The following PEX5L variants were observed in gnomAD, a reference collection of about 807,000 sequenced individuals.
PEX5L encodes the protein PEX5-related protein.
A neutral mutation model predicts 84.0 loss-of-function variants in PEX5L; 30 were observed. The observed-to-expected ratio is 0.36, with a 90% confidence interval of 0.27 to 0.48. The LOEUF is 0.48. PEX5L is among the 20% of genes least tolerant of loss of function. The pLI, the probability that PEX5L is intolerant of heterozygous loss-of-function variation, is 0.99. For missense variants in PEX5L, 533 were observed against 754.6 expected (o/e 0.71, Z 3.44); for synonymous variants, 270 against 283.1 (o/e 0.95, Z 0.46).
At chr3:179,871,252 A>C (rs773005009) in intron 7 of PEX5L, among the ~76,000 whole-genome samples, 1 of 151,808 alleles carries the variant, frequency 6.6e-6, no homozygotes, top group Non-Finnish European at 1.5e-5. Context: ...ACAGGCATGC[A>C]CCACCAGGCC....
At chr3:179,932,196 G>C (rs1022193080) in intron 2 of PEX5L, among the ~76,000 whole-genome samples, 19 of 152,168 alleles carry the variant, frequency 1.2e-4, no homozygotes, top group African/African-American at 4.3e-4. Flanking sequence ...CCAGGACATA[G>C]GGAGCAGGGG....
chr3:180,003,423 G>A (rs761504281), intron 1 of PEX5L, among the ~76,000 whole-genome samples: 3 of 151,936 alleles, frequency 2.0e-5, no homozygotes, highest in African/African-American at 7.3e-5. Flanking sequence ...ACCTGCCATA[G>A]ATTTTAATAC....
chr3:179,871,455 T>C (rs1750363188), intron 7 of PEX5L, among the ~76,000 whole-genome samples: 1 of 152,220 alleles, frequency 6.6e-6, no homozygotes, highest in Non-Finnish European at 1.5e-5. Context: ...CATGATTTTA[T>C]CTATATAAAT....
intron 7 of PEX5L, among the ~76,000 whole-genome samples, chr3:179,862,000 G>C (rs1388511621): frequency 6.6e-6 from 1 of 152,156 alleles, no homozygotes; most frequent in Non-Finnish European, 1.5e-5. Context: ...GACTTGAAAG[G>C]ACAGAAATTT....
intron 2 of PEX5L, among the ~76,000 whole-genome samples, chr3:179,934,418 G>A (rs1343708383): frequency 6.6e-6 from 1 of 152,204 alleles, no homozygotes; most frequent in Non-Finnish European, 1.5e-5. Context: ...TATGTACCAT[G>A]CACTAAGAAC....
intron 1 of PEX5L, among the ~76,000 whole-genome samples, chr3:180,000,495 G>T (rs1222464365): frequency 1.3e-5 from 2 of 151,714 alleles, no homozygotes; most frequent in African/African-American, 4.8e-5. Context: ...ACTCCTCCAG[G>T]AAAAAAAACC....
chr3:179,971,152 T>C (rs574838996), intron 2 of PEX5L, among the ~76,000 whole-genome samples: 31 of 151,932 alleles, frequency 2.0e-4, no homozygotes, highest in African/African-American at 7.2e-4. Context: ...GAAAATTAAA[T>C]TGGGCAATAT....
rs138474933 is a variant in PEX5L at position 179,849,809 on chromosome 3, A to T, written c.822+9253T>A. On this transcript the variant is annotated intron_variant, in intron 8 of 14. Transcript: ENST00000467460. ...TGCTCGGTTAGTATGGATTGATGAG[A>T]TCACATCCAGAATGCAGATCGTGGA... Among the ~76,000 whole-genome samples, 20 of 152,330 alleles carry T rather than the reference A, an allele frequency of 1.3e-4. No homozygotes were observed. The East Asian group carries it at 3.5e-3, about 26-fold the overall frequency.
chr3:179,909,385 T>G (rs1427810287), intron 2 of PEX5L, among the ~76,000 whole-genome samples: 1 of 152,032 alleles, frequency 6.6e-6, no homozygotes, highest in African/African-American at 2.4e-5. Context: ...ACAGAGAAAA[T>G]GCGTTATCCA....
intron 1 of PEX5L, among the ~76,000 whole-genome samples, chr3:179,992,161 T>C (rs1261631210): frequency 6.6e-6 from 1 of 152,196 alleles, no homozygotes; most frequent in Non-Finnish European, 1.5e-5. Flanking sequence ...TATACCCTGA[T>C]GTGACACTAT....
chr3:179,795,468 A>G lies in PEX5L; in HGVS notation c.*6360T>C, dbSNP rs1716567152. 1 of 152,200 alleles carries G rather than the reference A, an allele frequency of 6.6e-6. No individual in the cohort carries two copies. The highest frequency in any genetic ancestry group is 2.1e-4 in the South Asian group (1 of 4,832). The allele number at this position is 152,200 out of a possible 1,614,324, so 9.4% of individuals were successfully genotyped here. A position where few individuals can be genotyped will look rare whatever the true frequency, so the allele number is the denominator to read the frequency against. On this transcript the variant is annotated 3_prime_UTR_variant, in exon 15 of 15. Transcript: ENST00000467460. ...CAAAGAGCAACGCAGGGAAATACTA[A>G]GATGAAGCCTTAATACCCAACAGAG...
intron 1 of PEX5L, among the ~76,000 whole-genome samples, chr3:179,997,249 T>C (rs1484918866): frequency 6.6e-6 from 1 of 152,198 alleles, no homozygotes; most frequent in African/African-American, 2.4e-5. Flanking sequence ...GGCTCTGAGC[T>C]GATGTTGATT....
intron 2 of PEX5L, among the ~76,000 whole-genome samples, chr3:179,934,875 C>T (rs1344473709): frequency 1.3e-5 from 2 of 151,988 alleles, no homozygotes; most frequent in Admixed American, 6.6e-5. Flanking sequence ...TTTACTAGTT[C>T]AGTATCATAA....
chr3:179,849,382 T>C (rs184779507), intron 8 of PEX5L, among the ~76,000 whole-genome samples: 113 of 152,340 alleles, frequency 7.4e-4, no homozygotes, highest in Non-Finnish European at 4.4e-4. Flanking sequence ...AAAATGTTCA[T>C]CTGTTTTCCA....
intron 2 of PEX5L, among the ~76,000 whole-genome samples, chr3:179,945,299 G>A (rs1364676479): frequency 6.6e-6 from 1 of 152,180 alleles, no homozygotes; most frequent in African/African-American, 2.4e-5. Flanking sequence ...TTTCCTGAAT[G>A]ATGACTCAGG....
chr3:179,924,498 G>A (rs1194288920), intron 2 of PEX5L, among the ~76,000 whole-genome samples: 1 of 152,104 alleles, frequency 6.6e-6, no homozygotes, highest in South Asian at 2.1e-4. Context: ...CTCTTACCAC[G>A]GCAAACACTC....
At chr3:179,929,529 T>C (rs1772419736) in intron 2 of PEX5L, among the ~76,000 whole-genome samples, 7 of 151,748 alleles carry the variant, frequency 4.6e-5, no homozygotes. Flanking sequence ...CTGTTAAATA[T>C]TGGTAATTTC....
intron 10 of PEX5L, 41 bp from the exon 11 acceptor site, chr3:179,811,912 G>C: frequency 6.7e-7 from 1 of 1,486,694 alleles, no homozygotes. Flanking sequence ...AGATGAAGCA[G>C]AATTACTCAT....
chr3:179,855,147 G>T (rs746748762), intron 8 of PEX5L, among the ~76,000 whole-genome samples: 3 of 152,198 alleles, frequency 2.0e-5, no homozygotes, highest in Non-Finnish European at 4.4e-5. Context: ...TCAGTAAGGG[G>T]ACTGAGAAGA....
Sources: gnomAD v4.1 joint callset for allele counts (sites outside exome capture counted in the v4.1 genomes callset) on GRCh38, gnomAD v4.1.1 for gene constraint, MANE v1.5 for transcripts, NCBI Gene and HGNC (gene_info 2026-07-23, HGNC 2026-07-21) for gene names.